The following ZNF699 variants were observed in gnomAD, a reference collection of about 807,000 sequenced individuals.
ZNF699 encodes the protein zinc finger protein 699.
In ZNF699, 18 loss-of-function variants were observed where a neutral mutation model predicts 22.5. The observed-to-expected ratio is 0.80, with a 90% CI of 0.55 to 1.19. The LOEUF (loss-of-function observed/expected upper bound fraction) is 1.19. Ranked by LOEUF, ZNF699 falls within the 50% of genes most tolerant of loss-of-function variation. The probability of loss-of-function intolerance (pLI) is 0.00; values close to 1 mark genes in which losing one functional copy is unlikely to be tolerated. For synonymous variants in ZNF699, 241 were observed against 262.3 expected (o/e 0.92, Z 0.78); for missense variants, 670 against 763.4 (o/e 0.88, Z 1.44).
intron 2 of ZNF699, among the ~76,000 whole-genome samples, chr19:9,304,494 G>A (rs1367520226): frequency 1.3e-5 from 2 of 152,168 alleles, no homozygotes; most frequent in Admixed American, 6.5e-5. Flanking sequence ...CCAGTGGTCA[G>A]CAAACTATGG....
chr19:9,302,312 A>C lies in ZNF699; in HGVS notation c.175+66T>G, dbSNP rs996266315. The stretch of plus-strand genomic sequence containing the variant: ...CATTCCTCAGCCCAAATCCTAGAAT[A>C]AAGTCAATTTAGTGAGATAAAATAA... On this transcript the variant is annotated intron_variant, in intron 3 of 5. Coordinates refer to ENST00000591998, the MANE Select transcript of ZNF699 (RefSeq NM_198535.3). The C allele has an allele frequency of 1.5e-5, 23 of 1,586,132 alleles. No individual in the cohort carries two copies. In the Middle Eastern group the frequency reaches 5.2e-4, roughly 36 times the overall value.
chr19:9,293,512 T>C lies in ZNF699; in HGVS notation c.*1963A>G, dbSNP rs1166743937. Among the ~76,000 whole-genome samples, 1 of 152,218 alleles carries C rather than the reference T, an allele frequency of 6.6e-6. No individual in the cohort carries two copies. The highest frequency in any genetic ancestry group is 2.4e-5 in the African/African-American group (1 of 41,470). ...ATTAAAAGTCAAACCACACATTATG[T>C]TGAGCAAAAGAAGTCAAAACACATA... On this transcript the variant is annotated 3_prime_UTR_variant, in exon 6 of 6. Coordinates refer to ENST00000591998, the MANE Select transcript of ZNF699 (RefSeq NM_198535.3).
intron 2 of ZNF699, 141 bp downstream of exon 2, chr19:9,304,931 A>C (rs994413958): frequency 6.7e-6 from 4 of 597,752 alleles, no homozygotes; most frequent in Non-Finnish European, 8.2e-6. Context: ...CAAAAAAAAA[A>C]AAAAAAAAAC....
At chr19:9,304,355 T>C (rs1157353739) in intron 2 of ZNF699, among the ~76,000 whole-genome samples, 17 of 151,912 alleles carry the variant, frequency 1.1e-4, no homozygotes, top group Non-Finnish European at 1.5e-5. Context: ...TTTTAATGAA[T>C]AAAAATACAC....
chr19:9,305,918 GGT>G (rs2066326060), intron 1 of ZNF699, among the ~76,000 whole-genome samples: 1 of 151,912 alleles, frequency 6.6e-6, no homozygotes. Flanking sequence ...TAGCCAGGAT[GGT>G]GTCAATCTCC....
chr19:9,303,015 A>C (rs975282222), intron 2 of ZNF699, among the ~76,000 whole-genome samples: 4 of 150,792 alleles, frequency 2.7e-5, no homozygotes, highest in African/African-American at 1.0e-4. Context: ...ACAAAAAAAA[A>C]CAAAAACAAA....
chr19:9,297,800 T>C lies in ZNF699; in HGVS notation c.286+80A>G, dbSNP rs1462826386. The C allele has an allele frequency of 1.8e-6, 2 of 1,121,052 alleles. No individual in the cohort carries two copies. The highest frequency in any genetic ancestry group is 3.1e-5 in the African/African-American group (2 of 64,654). The allele number at this position is 1,121,052 out of a possible 1,614,324, so 69.4% of individuals were successfully genotyped here. A position where few individuals can be genotyped will look rare whatever the true frequency, so the allele number is the denominator to read the frequency against. ...TCTGTGGAAGATGAGCTTCCTCATA[T>C]AAAACAAAGTTTGTTTTTGTTTTTT... is the stretch of plus-strand genomic sequence containing the variant. On this transcript the variant is annotated intron_variant, in intron 4 of 5. Transcript: ENST00000591998. The surrounding 1 kb of genome is among the most constrained non-coding windows in gnomAD (Gnocchi z 4.3).
At chr19:9,296,992 A>G (rs2066289488) in intron 5 of ZNF699, 59 bp from the exon 6 acceptor site, 2 of 1,373,810 alleles carry the variant, frequency 1.5e-6, no homozygotes, top group Non-Finnish European at 9.7e-7. Flanking sequence ...CAGTGAATGT[A>G]TATGTTTTCT....
In ZNF699 at chr19:9,307,705, T is replaced by C. The variant is rs569649226; in HGVS notation, c.-6+1645A>G. Among the ~76,000 whole-genome samples the C allele has an allele frequency of 2.4e-3, 370 of 152,162 alleles. 2 individuals carry two copies. The highest frequency in any genetic ancestry group is 0.012 in the South Asian group (57 of 4,820). On this transcript the variant is annotated intron_variant, in intron 1 of 5. Coordinates refer to ENST00000591998, the MANE Select transcript of ZNF699 (RefSeq NM_198535.3). Reference sequence around the variant, plus strand: ...GGCTCACACCTGTAATCCCAGCACTTTGGGAGGCCAAGGTGGGTGGATCAC... The same window carrying C: ...GGCTCACACCTGTAATCCCAGCACTCTGGGAGGCCAAGGTGGGTGGATCAC...
In ZNF699 at chr19:9,297,702, CGTGGAAGGTCTTTGCCAA is replaced by C. The variant is rs1221537203; in HGVS notation, c.286+160_286+177del. On this transcript the variant is annotated intron_variant, in intron 4 of 5. Coordinates refer to ENST00000591998, the MANE Select transcript of ZNF699 (RefSeq NM_198535.3). The surrounding 1 kb of genome is among the most constrained non-coding windows in gnomAD (Gnocchi z 4.3). ...CAAATGCCAACTTACAAAGAGGAAA[CGTGGAAGGTCTTTGCCAA>C]GAACAAGGAAAATGCGAGAGGACTG... Among the ~76,000 whole-genome samples the C allele has an allele frequency of 3.9e-5, 6 of 152,098 alleles. No individual in the cohort carries two copies. The highest frequency in any genetic ancestry group is 2.0e-4 in the Admixed American group (3 of 15,278).
intron 3 of ZNF699, 46 bp from the exon 4 acceptor site, chr19:9,298,036 C>T (rs780620942): frequency 1.6e-6 from 2 of 1,288,074 alleles, no homozygotes; most frequent in East Asian, 2.3e-5. Context: ...AATGAAGAAT[C>T]ACTAACATTT....
intron 1 of ZNF699, among the ~76,000 whole-genome samples, chr19:9,308,950 A>G (rs1166772931): frequency 6.6e-6 from 1 of 152,162 alleles, no homozygotes; most frequent in Non-Finnish European, 1.5e-5. Flanking sequence ...TTTCACTTGA[A>G]TATAATGTAT....
intron 2 of ZNF699, among the ~76,000 whole-genome samples, chr19:9,302,978 C>T (rs956422786): frequency 2.0e-5 from 3 of 151,590 alleles, no homozygotes; most frequent in Non-Finnish European, 4.4e-5. Flanking sequence ...GCAGTGAGCA[C>T]GACCATGCCA....
chr19:9,295,813 A>G lies in ZNF699; in HGVS notation c.1591T>C (p.Tyr531His), dbSNP rs1409456848. The G allele has an allele frequency of 6.2e-7, 1 of 1,614,050 alleles. No homozygotes were observed. Among genetic ancestry groups the G allele is most frequent in the African/African-American group, 1.3e-5 (1 of 74,930 alleles). The change falls in exon 6 of 6, where the codon TAT (tyrosine) becomes CAT (histidine). Residue 531 changes from tyrosine to histidine, a missense_variant. Coordinates refer to ENST00000591998, the MANE Select transcript of ZNF699 (RefSeq NM_198535.3). ...HIRTHTGEKP[Y>H]ECKKCGKAFI... is the part of the protein sequence containing the mutation. Reference sequence around the variant, plus strand: ...GCTTTCCCACATTTCTTACATTCATAGGGTTTCTCTCCAGTGTGAGTTCTG... The same window carrying G: ...GCTTTCCCACATTTCTTACATTCATGGGGTTTCTCTCCAGTGTGAGTTCTG...
Position 9,296,383 on chromosome 19 carries a change from C to G in ZNF699, c.1021G>C (p.Gly341Arg). ...GDKPYECKECGKAFSSSSHLI... is the reference protein window; with the variant it reads ...GDKPYECKECRKAFSSSSHLI... ...TGAGAGGAAGAGCTAAAGGCCTTCC[C>G]ACATTCCTTACATTCATATGGCTTA... The change falls in exon 6 of 6, where the codon GGG becomes CGG. Residue 341 changes from glycine to arginine, a missense_variant. By Grantham distance (125) the Gly-to-Arg change is moderately radical. Transcript: ENST00000591998. The G allele has an allele frequency of 6.2e-7, 1 of 1,614,108 alleles. No individual in the cohort carries two copies. The highest frequency in any genetic ancestry group is 8.5e-7 in the Non-Finnish European group (1 of 1,179,984).
chr19:9,302,545 C>A (rs377118323), intron 2 of ZNF699, 41 bp from the exon 3 acceptor site: 1 of 1,566,658 alleles, frequency 6.4e-7, no homozygotes, highest in Admixed American at 1.9e-5. Context: ...GGTACAATTC[C>A]TCCAATGTGT....
At position 9,295,311 on chromosome 19, in the gene ZNF699, C is replaced by T; in HGVS notation, c.*164G>A. The T allele has an allele frequency of 2.4e-6, 2 of 828,600 alleles. No homozygotes were observed. The highest frequency in any genetic ancestry group is 3.7e-6 in the Non-Finnish European group (2 of 536,644). The allele number at this position is 828,600 out of a possible 1,614,324, so 51.3% of individuals were successfully genotyped here. On this transcript the variant is annotated 3_prime_UTR_variant, in exon 6 of 6. Coordinates refer to ENST00000591998, the MANE Select transcript of ZNF699 (RefSeq NM_198535.3). ...TAAGCAATGTTCATAAAGGCTTTAG[C>T]ACATGACTTACATACACAGGGTTTC...
intron 1 of ZNF699, among the ~76,000 whole-genome samples, chr19:9,308,597 G>A (rs1161792473): frequency 2.0e-5 from 3 of 152,020 alleles, no homozygotes; most frequent in East Asian, 3.9e-4. Flanking sequence ...AGACCTGCCC[G>A]GGCAACAGAG....
At chr19:9,298,016 G>T in intron 3 of ZNF699, 26 bp from the exon 4 acceptor site, 1 of 1,451,664 alleles carries the variant, frequency 6.9e-7, no homozygotes, top group Non-Finnish European at 9.6e-7. Flanking sequence ...GGCATATCAC[G>T]AGGGAAAATA....
Sources: gnomAD v4.1 joint callset for allele counts (sites outside exome capture counted in the v4.1 genomes callset) on GRCh38, gnomAD v4.1.1 for gene constraint, Gnocchi (gnomAD v3.1) non-coding constraint, MANE v1.5 for transcripts, NCBI Gene and HGNC (gene_info 2026-07-23, HGNC 2026-07-21) for gene names.